SLC9C2: variants seen among roughly 807,000 people sequenced by gnomAD.
The protein encoded by SLC9C2 is sodium/hydrogen exchanger 11.
Under a neutral mutation model 140.2 loss-of-function variants are expected in SLC9C2, and 75 were observed. The ratio of observed to expected loss-of-function variants is 0.53; its 90% CI spans 0.44 to 0.65. The LOEUF is 0.65. Ranked by LOEUF, SLC9C2 falls within the 30% of genes least tolerant of loss-of-function variation. The pLI is 0.00. For synonymous variants in SLC9C2, 375 were observed against 420.9 expected, an observed-to-expected ratio of 0.89 and a Z score of 1.34; for missense variants, 1,074 against 1,331.8, an observed-to-expected ratio of 0.81 and a Z score of 3.01.
chr1:173,545,266 G>C (rs1398575156), intron 13 of SLC9C2, among the ~76,000 whole-genome samples: 1 of 152,204 alleles, frequency 6.6e-6, no homozygotes, highest in Non-Finnish European at 1.5e-5. Flanking sequence ...AATTTTTACG[G>C]TAATTGTGCT....
At chr1:173,561,532 G>A (rs2102125341) in intron 9 of SLC9C2, among the ~76,000 whole-genome samples, 1 of 152,290 alleles carries the variant, frequency 6.6e-6, no homozygotes, top group Middle Eastern at 3.4e-3. Flanking sequence ...CTTAGTTCCA[G>A]CTCTTCACAC....
rs1319759897 is a variant in SLC9C2, at chr1:173,524,628, A to C, written c.2514+151T>G. ...ATGGAGTGTACCGGATTGCATCGGC[A>C]TTCGTTGTCCTTTGCATTATCAAAG... On this transcript the variant is annotated intron_variant, in intron 20 of 27. Coordinates refer to ENST00000367714, the MANE Select transcript of SLC9C2 (RefSeq NM_178527.4). 8.8e-6 allele frequency: 7 copies of C among 792,336 alleles called. No homozygotes were observed. The East Asian group carries it at 1.6e-4, about 18-fold the overall frequency. The allele number at this position is 792,336 out of a possible 1,614,324, so 49.1% of individuals were successfully genotyped here.
intron 13 of SLC9C2, among the ~76,000 whole-genome samples, chr1:173,547,069 T>G (rs1047229840): frequency 2.0e-5 from 3 of 152,128 alleles, no homozygotes; most frequent in Admixed American, 2.0e-4. Flanking sequence ...ACAATAAGTT[T>G]TAAAAAGAAA....
intron 11 of SLC9C2, among the ~76,000 whole-genome samples, chr1:173,553,639 G>T (rs1409108229): frequency 6.6e-6 from 1 of 152,196 alleles, no homozygotes; most frequent in Admixed American, 6.5e-5. Flanking sequence ...TATGTAAATA[G>T]TTTTCTTAGA....
At chr1:173,529,785 T>A (rs1049510936) in intron 18 of SLC9C2, 120 bp downstream of exon 18, 1 of 1,106,292 alleles carries the variant, frequency 9.0e-7, no homozygotes, top group African/African-American at 1.6e-5. Flanking sequence ...AATAAACAAC[T>A]GAATCCCTTT....
intron 4 of SLC9C2, among the ~76,000 whole-genome samples, chr1:173,591,009 G>A (rs531977327): frequency 4.7e-4 from 72 of 152,170 alleles, no homozygotes; most frequent in African/African-American, 1.7e-3. Flanking sequence ...CAGGTACTAA[G>A]CCTAGTATAC....
intron 13 of SLC9C2, 120 bp from the exon 14 acceptor site, chr1:173,537,159 C>A: frequency 1.4e-6 from 1 of 708,406 alleles, no homozygotes; most frequent in Non-Finnish European, 2.4e-6. Flanking sequence ...TATGCCATTA[C>A]AAAAAATTAT....
intron 7 of SLC9C2, among the ~76,000 whole-genome samples, chr1:173,579,375 C>T (rs1665382784): frequency 6.6e-6 from 1 of 152,164 alleles, no homozygotes; most frequent in Non-Finnish European, 1.5e-5. Context: ...ATGTATTTAT[C>T]CCATGAAAAT....
intron 4 of SLC9C2, among the ~76,000 whole-genome samples, chr1:173,592,418 T>C (rs1666216626): frequency 6.6e-6 from 1 of 152,248 alleles, no homozygotes; most frequent in East Asian, 1.9e-4. Context: ...GGCAGTTTGA[T>C]AGAAATAGCA....
Position 173,534,638 on chromosome 1 carries a change from T to C in SLC9C2, c.1820A>G (p.Glu607Gly). Residue 607 changes from glutamate (E) to glycine (G), a missense_variant, in exon 16 of 28, where the codon GAA becomes GGA. Coordinates refer to ENST00000367714, the MANE Select transcript of SLC9C2 (RefSeq NM_178527.4). ...LTFIFHIVFS[E>G]EFEYTGQIIN... ...AATCTGTCCTGTATATTCAAATTCT[T>C]CAGAAAATACTATGTGAAATATAAA... The C allele has an allele frequency of 6.5e-7, 1 of 1,548,032 alleles. No individual in the cohort carries two copies. The highest frequency in any genetic ancestry group is 8.7e-7 in the Non-Finnish European group (1 of 1,149,490).
intron 4 of SLC9C2, among the ~76,000 whole-genome samples, chr1:173,595,049 G>A (rs1666366316): frequency 6.6e-6 from 1 of 152,136 alleles, no homozygotes; most frequent in Non-Finnish European, 1.5e-5. Flanking sequence ...ACAGGTGCAT[G>A]CCACCATGCC....
At chr1:173,535,447 T>C (rs978389954) in intron 15 of SLC9C2, among the ~76,000 whole-genome samples, 1 of 152,152 alleles carries the variant, frequency 6.6e-6, no homozygotes, top group Admixed American at 6.5e-5. Flanking sequence ...TAATTATAGA[T>C]CAACAGAATC....
intron 13 of SLC9C2, among the ~76,000 whole-genome samples, chr1:173,545,822 T>C (rs985643441): frequency 2.0e-5 from 3 of 152,174 alleles, no homozygotes; most frequent in African/African-American, 7.2e-5. Flanking sequence ...TTGAATCTAT[T>C]GCCCCACCCC....
intron 17 of SLC9C2, among the ~76,000 whole-genome samples, chr1:173,530,737 T>A (rs1263133682): frequency 6.6e-6 from 1 of 152,158 alleles, no homozygotes; most frequent in Admixed American, 6.5e-5. Context: ...GAGGGGCTCC[T>A]CAAAATCCAC....
rs1314995716 is a variant in SLC9C2 at position 173,500,594 on chromosome 1, T to A, written c.*500A>T. On this transcript the variant is annotated 3_prime_UTR_variant, in exon 28 of 28. Transcript: ENST00000367714. ...CTGAAAGCAAAAGTTACTTACTTAC[T>A]GAAAGTTACTAAGATTGTGGAATAT... 6.6e-6 allele frequency: 1 copy of A among 152,238 alleles called. No individual in the cohort carries two copies. Among genetic ancestry groups the A allele is most frequent in the Non-Finnish European group, 1.5e-5 (1 of 68,056 alleles). The allele number at this position is 152,238 out of a possible 1,614,324, so 9.4% of individuals were successfully genotyped here.
chr1:173,578,739 T>G (rs542551277), intron 7 of SLC9C2, among the ~76,000 whole-genome samples: 1 of 152,214 alleles, frequency 6.6e-6, no homozygotes, highest in African/African-American at 2.4e-5. Flanking sequence ...CCTTGGCTTA[T>G]AGCTGGTATT....
At chr1:173,528,087 C>T (rs186045752) in intron 18 of SLC9C2, among the ~76,000 whole-genome samples, 3 of 152,212 alleles carry the variant, frequency 2.0e-5, no homozygotes, top group East Asian at 1.9e-4. Context: ...TGCTCTAGAA[C>T]GCCTTTGCAC....
At chr1:173,537,061 A>G (rs752290286) in intron 13 of SLC9C2, 22 bp from the exon 14 acceptor site, 1 of 1,561,922 alleles carries the variant, frequency 6.4e-7, no homozygotes, top group Non-Finnish European at 8.8e-7. Context: ...TTAAATGAAG[A>G]TTACAAAAGA....
intron 11 of SLC9C2, among the ~76,000 whole-genome samples, chr1:173,551,026 C>T (rs996745692): frequency 6.6e-6 from 1 of 151,942 alleles, no homozygotes. Context: ...ACATTGGAGC[C>T]CTTTGCTTTG....
Sources: allele counts gnomAD v4.1 joint callset (sites outside exome capture counted in the v4.1 genomes callset), GRCh38; gene constraint gnomAD v4.1.1; transcripts MANE v1.5; gene names NCBI Gene and HGNC (gene_info 2026-07-23, HGNC 2026-07-21).